Variants in ZNF326 observed in about 807,000 individuals in gnomAD.
ZNF326 encodes the protein zinc finger protein 326, also known as DBIRD complex subunit ZNF326.
A neutral mutation model predicts 63.1 loss-of-function variants in ZNF326; 30 were observed. The ratio of observed to expected loss-of-function variants is 0.48; its 90% CI spans 0.36 to 0.64. The LOEUF is 0.64. ZNF326 is among the 30% of genes least tolerant of loss of function. The pLI, the probability that ZNF326 is intolerant of heterozygous loss-of-function variation, is 0.00. For missense variants in ZNF326, 609 were observed against 720.3 expected, an observed-to-expected ratio of 0.85 and a Z score of 1.77; for synonymous variants, 194 against 228.2, an observed-to-expected ratio of 0.85 and a Z score of 1.35.
intron 2 of ZNF326, among the ~76,000 whole-genome samples, chr1:90,003,756 C>A (rs1475795777): frequency 6.6e-6 from 1 of 152,286 alleles, no homozygotes; most frequent in African/African-American, 2.4e-5. Context: ...AAAATCATTT[C>A]ATCTCTTTGG....
intron 4 of ZNF326, chr1:90,006,439 A>G (rs1294740366): frequency 1.0e-6 from 1 of 985,246 alleles, no homozygotes; most frequent in Non-Finnish European, 1.2e-6. Flanking sequence ...GTGTTGTAAG[A>G]TATCAAGCAA....
chr1:90,014,480 TA>T (rs1445110131), intron 7 of ZNF326, among the ~76,000 whole-genome samples: 19 of 152,298 alleles, frequency 1.2e-4, no homozygotes, highest in South Asian at 6.2e-4. Context: ...ACTAAAAATT[TA>T]AATAATAGTA....
chr1:90,009,973 C>T (rs1302023004), intron 5 of ZNF326, 115 bp from the exon 6 acceptor site: 2 of 971,898 alleles, frequency 2.1e-6, no homozygotes, highest in Non-Finnish European at 3.0e-6. Context: ...AATTTAGTTA[C>T]ATTCCAGGGA....
At chr1:90,016,368 G>C (rs1340264398) in intron 7 of ZNF326, among the ~76,000 whole-genome samples, 2 of 152,098 alleles carry the variant, frequency 1.3e-5, no homozygotes, top group African/African-American at 4.8e-5. Context: ...ACTGGAGACA[G>C]AAACCAGTTA....
intron 2 of ZNF326, among the ~76,000 whole-genome samples, chr1:89,999,281 A>G (rs1252226585): frequency 6.6e-6 from 1 of 152,020 alleles, no homozygotes; most frequent in Non-Finnish European, 1.5e-5. Flanking sequence ...AGAGGGTTGA[A>G]TAAAAATGAA....
intron 11 of ZNF326, among the ~76,000 whole-genome samples, chr1:90,026,141 G>A (rs1369265296): frequency 6.6e-6 from 1 of 151,816 alleles, no homozygotes; most frequent in African/African-American, 2.4e-5. Flanking sequence ...TATTTTGTAT[G>A]TTTAGTGGAG....
chr1:90,003,072 T>A (rs1648768247), intron 2 of ZNF326, among the ~76,000 whole-genome samples: 1 of 152,142 alleles, frequency 6.6e-6, no homozygotes, highest in Admixed American at 6.5e-5. Context: ...ATGAATTTTA[T>A]CCTTGACAAC....
chr1:90,000,535 CAA>C (rs777947678), intron 2 of ZNF326, among the ~76,000 whole-genome samples: 25 of 152,106 alleles, frequency 1.6e-4, no homozygotes, highest in Non-Finnish European at 2.8e-4. Context: ...CCTGTCTCTA[CAA>C]AAAAATTTTT....
intron 2 of ZNF326, among the ~76,000 whole-genome samples, chr1:89,999,193 G>A (rs747467342): frequency 6.6e-6 from 1 of 152,122 alleles, no homozygotes; most frequent in Non-Finnish European, 1.5e-5. Flanking sequence ...AACTTGGGAG[G>A]TGATAGTAGT....
At chr1:90,020,974 T>G in intron 10 of ZNF326, 52 bp downstream of exon 10, 1 of 1,589,630 alleles carries the variant, frequency 6.3e-7, no homozygotes. Flanking sequence ...ATCAATCTTT[T>G]ATTGTTCTTT....
chr1:90,004,819 T>TTTTTTC (rs1553135566), intron 2 of ZNF326, among the ~76,000 whole-genome samples, 184 bp from the exon 3 acceptor site: 2 of 148,718 alleles, frequency 1.3e-5, no homozygotes, highest in Non-Finnish European at 3.0e-5. Context: ...TTTTTTTTTT[T>TTTTTTC]AGCAAATTTG....
intron 5 of ZNF326, among the ~76,000 whole-genome samples, chr1:90,009,225 C>T (rs532042373): frequency 1.3e-5 from 2 of 152,188 alleles, no homozygotes; most frequent in South Asian, 4.1e-4. Context: ...AGTAGATGAG[C>T]CAATAGGACC....
chr1:90,022,409 A>G (rs1223083436), intron 11 of ZNF326, 64 bp downstream of exon 11: 6 of 1,184,518 alleles, frequency 5.1e-6, no homozygotes, highest in Non-Finnish European at 7.5e-6. Flanking sequence ...AACTGGTGAC[A>G]TAGTAACCTT....
In ZNF326 at chr1:90,013,220, A is replaced by G. The variant is rs966948174; in HGVS notation, c.909A>G (p.Lys303=). 22 of 1,608,956 alleles carry G rather than the reference A, an allele frequency of 1.4e-5. No individual in the cohort carries two copies. Among genetic ancestry groups the G allele is most frequent in the Non-Finnish European group, 1.7e-5 (20 of 1,177,668 alleles). The change falls in exon 7 of 12, where the codon AAA becomes AAG. Residue 303 remains lysine, a synonymous_variant. Transcript: ENST00000340281. ...GCAGAAGAGAAAAAAACAGTGAGAAATACGGAGATGGATACAGGTTTGTAC... is the reference window on the plus strand; with the variant it reads ...GCAGAAGAGAAAAAAACAGTGAGAAGTACGGAGATGGATACAGGTTTGTAC... ...QRRRREKNSE[K]YGDGYRMAFT...
Position 90,018,694 on chromosome 1 carries a change from G to A in ZNF326, c.1084G>A (p.Val362Met), listed in dbSNP as rs755848042. 2 of 1,572,938 alleles carry A rather than the reference G, an allele frequency of 1.3e-6. No individual in the cohort carries two copies. Among genetic ancestry groups the A allele is most frequent in the Non-Finnish European group, 1.7e-6 (2 of 1,157,916 alleles). The change falls in exon 9 of 12, where the codon GTG (valine) becomes ATG (methionine). Residue 362 changes from valine (V) to methionine (M), a missense_variant. This residue lies in a region of ZNF326 where 399 missense variants were observed against 444.3 expected (regional missense o/e 0.90). Transcript: ENST00000340281. Reference protein sequence around the residue: ...VVMEFLHECMVNKFKKTSIRK... With the variant: ...VVMEFLHECMMNKFKKTSIRK... ...CTATTTTGTTTTCTAGGAGTGTATG[G>A]TGAATAAATTCAAGAAAACATCTAT...
intron 4 of ZNF326, 137 bp downstream of exon 4, chr1:90,005,381 G>T: frequency 7.1e-7 from 1 of 1,405,090 alleles, no homozygotes. Flanking sequence ...AATATTTAAA[G>T]GTGTTAATTA....
intron 11 of ZNF326, among the ~76,000 whole-genome samples, chr1:90,025,262 A>G (rs140752673): frequency 2.1e-4 from 32 of 152,144 alleles, no homozygotes; most frequent in Non-Finnish European, 4.0e-4. Flanking sequence ...TTTCTGAATT[A>G]GGGTTTCCCA....
intron 7 of ZNF326, 57 bp downstream of exon 7, chr1:90,013,294 C>A: frequency 7.8e-7 from 1 of 1,286,454 alleles, no homozygotes; most frequent in Non-Finnish European, 1.1e-6. Flanking sequence ...CTAGAAAAAG[C>A]CAACACATCA....
intron 1 of ZNF326, among the ~76,000 whole-genome samples, chr1:89,996,568 A>T (rs563966898): frequency 2.0e-5 from 3 of 152,098 alleles, no homozygotes; most frequent in Non-Finnish European, 4.4e-5. Context: ...TTTGATGTAG[A>T]TACCTTTAAA....
Sources: gnomAD v4.1 joint callset for allele counts (sites outside exome capture counted in the v4.1 genomes callset) on GRCh38, gnomAD v4.1.1 for gene constraint, gnomAD v4.1.1 regional missense constraint, MANE v1.5 for transcripts, NCBI Gene and HGNC (gene_info 2026-07-23, HGNC 2026-07-21) for gene names.